The following CEACAM6 variants were observed in gnomAD, a reference collection of about 807,000 sequenced individuals.
CEACAM6 encodes the protein CEA cell adhesion molecule 6.
A neutral mutation model predicts 32.4 loss-of-function variants in CEACAM6; 21 were observed. That is an observed-to-expected ratio of 0.65 (90% confidence interval 0.46 to 0.93). CEACAM6 has a LOEUF of 0.93. Among genes scored for constraint, CEACAM6 ranks in the 40% least tolerant of loss-of-function variants. The pLI is 0.00. For synonymous variants in CEACAM6, 184 were observed against 174.4 expected (o/e 1.06, Z -0.43); for missense variants, 406 against 432.2 (o/e 0.94, Z 0.54).
At chr19:41,767,552 A>C (rs1292849128) in intron 5 of CEACAM6, among the ~76,000 whole-genome samples, 1 of 152,220 alleles carries the variant, frequency 6.6e-6, no homozygotes, top group African/African-American at 2.4e-5. Flanking sequence ...CATTGGAATC[A>C]CTCCGAAACA....
intron 2 of CEACAM6, among the ~76,000 whole-genome samples, chr19:41,757,346 G>A (rs997241702): frequency 1.3e-5 from 2 of 152,006 alleles, no homozygotes; most frequent in African/African-American, 4.8e-5. Flanking sequence ...CCTGAACTGA[G>A]CCCCTGTACA....
At chr19:41,766,576 T>C (rs1219271303) in intron 5 of CEACAM6, among the ~76,000 whole-genome samples, 1 of 152,192 alleles carries the variant, frequency 6.6e-6, no homozygotes, top group African/African-American at 2.4e-5. Flanking sequence ...CATCTCTCAC[T>C]TTTGTCAGTC....
chr19:41,766,367 A>C, intron 5 of CEACAM6, 68 bp downstream of exon 5: 1 of 745,154 alleles, frequency 1.3e-6, no homozygotes, highest in Non-Finnish European at 2.1e-6. Flanking sequence ...AAGGAAAAAA[A>C]CTTCTTCACC....
At chr19:41,770,360 C>T (rs1266588625) in intron 5 of CEACAM6, among the ~76,000 whole-genome samples, 1 of 151,528 alleles carries the variant, frequency 6.6e-6, no homozygotes, top group Non-Finnish European at 1.5e-5. Flanking sequence ...GAGGTAGAGG[C>T]TGCAGTGAGC....
rs1392952384 is a variant in CEACAM6 at position 41,756,753 on chromosome 19, T to A, written c.218T>A (p.Val73Glu). The A allele has an allele frequency of 3.7e-6, 6 of 1,613,528 alleles. No individual in the cohort carries two copies. Among genetic ancestry groups the A allele is most frequent in the Non-Finnish European group, 5.1e-6 (6 of 1,179,864 alleles). ...IGYSWYKGER[V>E]DGNSLIVGYV... ...TACAGCTGGTACAAAGGCGAAAGAG[T>A]GGATGGCAACAGTCTAATTGTAGGA... The change falls in exon 2 of 6, where the codon GTG (valine) becomes GAG (glutamate). Residue 73 changes from valine to glutamate, a missense_variant. Coordinates refer to ENST00000199764, the MANE Select transcript of CEACAM6 (RefSeq NM_002483.7).
chr19:41,761,832 CA>C, intron 3 of CEACAM6, 136 bp from the exon 4 acceptor site: 1 of 1,161,278 alleles, frequency 8.6e-7, no homozygotes, highest in Non-Finnish European at 1.2e-6. Flanking sequence ...GACTTTGGCT[CA>C]GGGGACATAG....
rs139700050 is a variant in CEACAM6 at position 41,761,311 on chromosome 19, G to A, written c.487G>A (p.Val163Met). Residue 163 changes from valine to methionine, a missense_variant, in exon 3 of 6, where the codon GTG (valine) becomes ATG (methionine). By Grantham distance (21) the Val-to-Met change is conservative. Transcript: ENST00000199764. ...NSNPVEDKDAVAFTCEPEVQN... is the reference protein window; with the variant it reads ...NSNPVEDKDAMAFTCEPEVQN... ...CAACCCCGTGGAGGACAAGGATGCT[G>A]TGGCCTTCACCTGTGAACCTGAGGT... is the stretch of plus-strand genomic sequence containing the variant. 51 of 1,614,074 alleles carry A rather than the reference G, an allele frequency of 3.2e-5. No individual in the cohort carries two copies. The highest frequency in any genetic ancestry group is 5.0e-5 in the Admixed American group (3 of 60,004).
At chr19:41,760,859 G>C (rs976994943) in intron 2 of CEACAM6, among the ~76,000 whole-genome samples, 3 of 152,114 alleles carry the variant, frequency 2.0e-5, no homozygotes, top group Admixed American at 6.5e-5. Flanking sequence ...ATACAGCTAG[G>C]GGGGCAAAGT....
intron 5 of CEACAM6, among the ~76,000 whole-genome samples, chr19:41,768,675 GCCGGGCAGAGGCGCCC>G (rs2072971828): frequency 1.7e-4 from 26 of 151,794 alleles, no homozygotes; most frequent in East Asian, 2.0e-4. Context: ...AGTAGGGGCG[GCCGGGCAGAGGCGCCC>G]CTCACCTCCC....
At chr19:41,759,809 C>T (rs1041470928) in intron 2 of CEACAM6, among the ~76,000 whole-genome samples, 1 of 152,100 alleles carries the variant, frequency 6.6e-6, no homozygotes, top group African/African-American at 2.4e-5. Flanking sequence ...GTCTAAACTC[C>T]TGACAAACTT....
chr19:41,768,700 C>T (rs1555822637), intron 5 of CEACAM6, among the ~76,000 whole-genome samples: 1 of 148,438 alleles, frequency 6.7e-6, no homozygotes, highest in African/African-American at 2.5e-5. Flanking sequence ...CCCTCACCTC[C>T]CAGACGGGGC....
In CEACAM6 at chr19:41,769,049, G is replaced by A. The variant is rs76661538; in HGVS notation, c.*41-1753G>A. Among the ~76,000 whole-genome samples, 524 of 152,130 alleles carry A rather than the reference G, an allele frequency of 3.4e-3. 3 individuals carry two copies. The highest frequency in any genetic ancestry group is 0.012 in the African/African-American group (492 of 41,492). ...CAACCTCTGCCTCCTGGGTTCAAGC[G>A]ATTCTCCTGCCTCAGCCCCCTGCAC... On this transcript the variant is annotated intron_variant, in intron 5 of 5. Transcript: ENST00000199764.
chr19:41,766,070 C>T (rs1322692052), intron 4 of CEACAM6, 113 bp from the exon 5 acceptor site: 5 of 617,214 alleles, frequency 8.1e-6, no homozygotes, highest in Admixed American at 6.6e-5. Context: ...TCCCACAAAA[C>T]TAGTGTATTC....
intron 2 of CEACAM6, 35 bp from the exon 3 acceptor site, chr19:41,761,214 C>T (rs1228966569): frequency 1.9e-6 from 3 of 1,613,792 alleles, no homozygotes; most frequent in African/African-American, 1.3e-5. Context: ...TCAAAGGTGC[C>T]ACACAGGGCA....
chr19:41,768,398 G>C (rs1166609522), intron 5 of CEACAM6, among the ~76,000 whole-genome samples: 2 of 152,236 alleles, frequency 1.3e-5, no homozygotes, highest in African/African-American at 4.8e-5. Flanking sequence ...ACATGTTTCA[G>C]AGAGCACAAG....
chr19:41,758,625 G>A (rs1265858523), intron 2 of CEACAM6, among the ~76,000 whole-genome samples: 1 of 152,124 alleles, frequency 6.6e-6, no homozygotes, highest in Non-Finnish European at 1.5e-5. Context: ...TGAGGTCACT[G>A]TATCCCCCAC....
At position 41,756,588 on chromosome 19, in the gene CEACAM6, C is replaced by G. The variant is rs781948252; in HGVS notation, c.65-12C>G. ...GTCCCAATATTGACCGATGCTCTCTCCTCTCTCCTAGCCTCACTTCTAACC... is the reference window on the plus strand; with the variant it reads ...GTCCCAATATTGACCGATGCTCTCTGCTCTCTCCTAGCCTCACTTCTAACC... On this transcript the variant is annotated splice_polypyrimidine_tract_variant and intron_variant, in intron 1 of 5. Coordinates refer to ENST00000199764, the MANE Select transcript of CEACAM6 (RefSeq NM_002483.7). The G allele has an allele frequency of 8.5e-5, 137 of 1,610,666 alleles. No individual in the cohort carries two copies. The highest frequency in any genetic ancestry group is 3.3e-4 in the Middle Eastern group (2 of 6,066).
At chr19:41,766,409 A>G (rs903439333) in intron 5 of CEACAM6, 110 bp downstream of exon 5, 2 of 518,886 alleles carry the variant, frequency 3.9e-6, no homozygotes, top group South Asian at 2.6e-5. Flanking sequence ...TTCTACCGCT[A>G]AACTCCTGCT....
chr19:41,761,911 C>A, intron 3 of CEACAM6, 58 bp from the exon 4 acceptor site: 13 of 1,596,616 alleles, frequency 8.1e-6, no homozygotes, highest in South Asian at 1.1e-5. Context: ...TTCCACAGAC[C>A]AGGAACTTAT....
Sources: gnomAD v4.1 joint callset for allele counts (sites outside exome capture counted in the v4.1 genomes callset) on GRCh38, gnomAD v4.1.1 for gene constraint, MANE v1.5 for transcripts, NCBI Gene and HGNC (gene_info 2026-07-23, HGNC 2026-07-21) for gene names.